The following BPI variants were observed in gnomAD, a reference collection of about 807,000 sequenced individuals.
BPI encodes the protein bactericidal permeability increasing protein.
BPI carries 48 observed loss-of-function variants against 57.6 expected under a neutral mutation model. That is an observed-to-expected ratio of 0.83 (90% CI 0.66 to 1.06). The LOEUF (loss-of-function observed/expected upper bound fraction) is 1.06, where lower values mean the gene tolerates loss of function less well. Ranked by LOEUF, BPI falls within the 50% of genes least tolerant of loss-of-function variation. The pLI is 0.00. For synonymous variants in BPI, 237 were observed against 238.2 expected (o/e 0.99, Z 0.05); for missense variants, 651 against 609.7 (o/e 1.07, Z -0.71).
intron 11 of BPI, among the ~76,000 whole-genome samples, chr20:38,328,907 G>A (rs926307002): frequency 4.6e-5 from 7 of 152,046 alleles, no homozygotes; most frequent in African/African-American, 4.8e-5. Flanking sequence ...TCGAGAGGCT[G>A]AGGTGGGAGG....
chr20:38,320,688 A>ACACACT (rs2076677363), intron 7 of BPI, among the ~76,000 whole-genome samples: 1 of 151,260 alleles, frequency 6.6e-6, no homozygotes, highest in Non-Finnish European at 1.5e-5. Context: ...ACACACACAC[A>ACACACT]CACACACACA....
intron 1 of BPI, among the ~76,000 whole-genome samples, chr20:38,307,355 G>A (rs2076601726): frequency 1.3e-5 from 2 of 152,216 alleles, no homozygotes; most frequent in South Asian, 2.1e-4. Flanking sequence ...TGGCAGAGCT[G>A]AGTATTTGTG....
chr20:38,319,676 CAG>C (rs2076671268), intron 6 of BPI: 1 of 152,580 alleles, frequency 6.6e-6, no homozygotes, highest in Non-Finnish European at 1.5e-5. Flanking sequence ...TACTGGGAAA[CAG>C]AGAAACTCTC....
intron 5 of BPI, among the ~76,000 whole-genome samples, chr20:38,315,890 T>C (rs1431626441): frequency 6.6e-6 from 1 of 150,378 alleles, no homozygotes; most frequent in African/African-American, 2.4e-5. Context: ...TGGAGTACAG[T>C]AGCACAATCT....
chr20:38,309,680 T>C (rs930395596), intron 3 of BPI, among the ~76,000 whole-genome samples: 7 of 152,190 alleles, frequency 4.6e-5, no homozygotes, highest in African/African-American at 1.7e-4. Context: ...TGATAGGCAA[T>C]GGCAAGGGTA....
chr20:38,309,332 G>A lies in BPI; in HGVS notation c.374+274G>A, dbSNP rs5743504. Among the ~76,000 whole-genome samples the A allele has an allele frequency of 5.1e-4, 78 of 152,292 alleles. 1 individual carries two copies. Among genetic ancestry groups the A allele is most frequent in the African/African-American group, 1.6e-3 (68 of 41,554 alleles). On this transcript the variant is annotated intron_variant, in intron 3 of 14. Transcript: ENST00000642449. Reference sequence around the variant, plus strand: ...CTAAGTGGAACCTTTAATTTATCCCGTTTATCAGTTAGCTATTGCTGTGTA... The same window carrying A: ...CTAAGTGGAACCTTTAATTTATCCCATTTATCAGTTAGCTATTGCTGTGTA...
intron 5 of BPI, among the ~76,000 whole-genome samples, chr20:38,316,287 G>A (rs1313497026): frequency 6.6e-6 from 1 of 152,154 alleles, no homozygotes; most frequent in South Asian, 2.1e-4. Flanking sequence ...AGAAGGGGTA[G>A]GGGAGGATAG....
chr20:38,321,161 ATGGAT>A (rs2076682738), intron 7 of BPI, among the ~76,000 whole-genome samples: 2 of 117,650 alleles, frequency 1.7e-5, no homozygotes, highest in African/African-American at 6.7e-5. Flanking sequence ...GGATGGATGG[ATGGAT>A]GGATGGATGG....
At chr20:38,336,277 C>T (rs2076767039) in intron 14 of BPI, among the ~76,000 whole-genome samples, 1 of 152,090 alleles carries the variant, frequency 6.6e-6, no homozygotes, top group Admixed American at 6.6e-5. Flanking sequence ...CCTCCCCAGG[C>T]CTCTTCTCTT....
At chr20:38,308,815 A>T in intron 2 of BPI, 115 bp from the exon 3 acceptor site, 1 of 1,372,588 alleles carries the variant, frequency 7.3e-7, no homozygotes, top group Non-Finnish European at 1.0e-6. Flanking sequence ...CCTGGAATGG[A>T]TGGAGTGAAG....
chr20:38,304,937 C>T (rs2076590145), intron 1 of BPI, among the ~76,000 whole-genome samples: 1 of 152,208 alleles, frequency 6.6e-6, no homozygotes, highest in Non-Finnish European at 1.5e-5. Flanking sequence ...CTTTTACCCT[C>T]ACTTCAGCCT....
intron 1 of BPI, among the ~76,000 whole-genome samples, chr20:38,305,871 C>G (rs2076594311): frequency 6.6e-6 from 1 of 152,250 alleles, no homozygotes; most frequent in South Asian, 2.1e-4. Flanking sequence ...TATTTCCTAA[C>G]TGGCTCCGAG....
At chr20:38,306,428 G>A (rs952411756) in intron 1 of BPI, among the ~76,000 whole-genome samples, 1 of 152,234 alleles carries the variant, frequency 6.6e-6, no homozygotes, top group Non-Finnish European at 1.5e-5. Context: ...GCTGACTTCA[G>A]GGGGCTTACA....
intron 11 of BPI, 121 bp from the exon 12 acceptor site, chr20:38,330,927 G>T: frequency 8.8e-7 from 1 of 1,139,444 alleles, no homozygotes; most frequent in Non-Finnish European, 1.3e-6. Context: ...TGGAAGGGGA[G>T]TGGATACTGG....
intron 7 of BPI, among the ~76,000 whole-genome samples, chr20:38,323,084 T>G (rs543947793): frequency 1.3e-5 from 2 of 152,194 alleles, no homozygotes; most frequent in Non-Finnish European, 2.9e-5. Flanking sequence ...TTTAAAAAAA[T>G]TTAAAAAACT....
chr20:38,309,407 C>T (rs2076611622), intron 3 of BPI, among the ~76,000 whole-genome samples: 1 of 152,226 alleles, frequency 6.6e-6, no homozygotes, highest in Non-Finnish European at 1.5e-5. Context: ...GCTGTCATCA[C>T]TTATGTATCT....
At chr20:38,325,334 C>T (rs1274839950) in intron 9 of BPI, among the ~76,000 whole-genome samples, 4 of 152,180 alleles carry the variant, frequency 2.6e-5, no homozygotes, top group Non-Finnish European at 4.4e-5. Flanking sequence ...GACCTGGTGG[C>T]ATAAACAACA....
intron 5 of BPI, among the ~76,000 whole-genome samples, chr20:38,313,107 G>T (rs1053881285): frequency 6.6e-6 from 1 of 152,124 alleles, no homozygotes; most frequent in African/African-American, 2.4e-5. Flanking sequence ...ACATTAGGCC[G>T]GGCATGGTGG....
intron 7 of BPI, among the ~76,000 whole-genome samples, chr20:38,323,086 T>G (rs1046821325): frequency 1.3e-5 from 2 of 152,208 alleles, no homozygotes; most frequent in African/African-American, 4.8e-5. Flanking sequence ...TAAAAAAATT[T>G]AAAAAACTGT....
Sources: allele counts gnomAD v4.1 joint callset (sites outside exome capture counted in the v4.1 genomes callset), GRCh38; gene constraint gnomAD v4.1.1; transcripts MANE v1.5; gene names NCBI Gene and HGNC (gene_info 2026-07-23, HGNC 2026-07-21).